The following DLG2 variants were observed in gnomAD, a reference collection of about 807,000 sequenced individuals.
DLG2 encodes the protein disks large homolog 2.
DLG2 carries 45 observed loss-of-function variants against 132.5 expected under a neutral mutation model. The observed-to-expected ratio is 0.34, with a 90% CI of 0.27 to 0.44. The LOEUF (loss-of-function observed/expected upper bound fraction) is 0.44. Among genes scored for constraint, DLG2 ranks in the 20% least tolerant of loss-of-function variants. The pLI, the probability that DLG2 is intolerant of heterozygous loss-of-function variation, is 1.00. For synonymous variants in DLG2, 424 were observed against 419.6 expected, an observed-to-expected ratio of 1.01 and a Z score of -0.13; for missense variants, 1,045 against 1,196.9, an observed-to-expected ratio of 0.87 and a Z score of 1.87.
At chr11:85,470,370 C>T (rs1017944738) in intron 3 of DLG2, among the ~76,000 whole-genome samples, 1 of 152,010 alleles carries the variant, frequency 6.6e-6, no homozygotes, top group Non-Finnish European at 1.5e-5. Flanking sequence ...AAAGGATTTG[C>T]ACAGTTGGGG....
At chr11:83,713,528 A>G (rs2085982760) in intron 18 of DLG2, among the ~76,000 whole-genome samples, 1 of 152,186 alleles carries the variant, frequency 6.6e-6, no homozygotes, top group Admixed American at 6.6e-5. Context: ...ATGACGATGA[A>G]AACCAGATCA....
At chr11:84,428,005 A>G (rs138397236) in intron 7 of DLG2, among the ~76,000 whole-genome samples, 259 of 152,322 alleles carry the variant, frequency 1.7e-3, no homozygotes, top group Non-Finnish European at 2.6e-3. Context: ...TGTGGAAGAG[A>G]AGAAAAGTAT....
At chr11:84,924,239 A>G (rs1261867246) in intron 6 of DLG2, among the ~76,000 whole-genome samples, 2 of 152,176 alleles carry the variant, frequency 1.3e-5, no homozygotes, top group African/African-American at 4.8e-5. Flanking sequence ...CCTTATTTCC[A>G]GCCTTGGGAA....
intron 6 of DLG2, among the ~76,000 whole-genome samples, chr11:85,109,675 A>AT (rs1270928792): frequency 5.3e-5 from 8 of 152,154 alleles, no homozygotes; most frequent in Non-Finnish European, 4.4e-5. Context: ...AGAAATTCTT[A>AT]TTGGTATTAT....
intron 6 of DLG2, among the ~76,000 whole-genome samples, chr11:84,868,514 G>A (rs1223075286): frequency 6.6e-6 from 1 of 152,134 alleles, no homozygotes; most frequent in Non-Finnish European, 1.5e-5. Context: ...ATAACTCCCT[G>A]TAGATTTGGG....
intron 6 of DLG2, among the ~76,000 whole-genome samples, chr11:84,773,121 G>A (rs888078676): frequency 6.6e-6 from 1 of 151,998 alleles, no homozygotes; most frequent in Non-Finnish European, 1.5e-5. Context: ...CCACAGAAAT[G>A]CAAAAGCTCT....
chr11:84,623,857 A>G (rs2099617922), intron 6 of DLG2, among the ~76,000 whole-genome samples: 1 of 152,194 alleles, frequency 6.6e-6, no homozygotes, highest in East Asian at 1.9e-4. Context: ...GTGTTACACA[A>G]TTACCTCAGT....
intron 4 of DLG2, among the ~76,000 whole-genome samples, chr11:85,224,655 ATTTATAT>A (rs1158552391): frequency 6.6e-6 from 1 of 152,182 alleles, no homozygotes; most frequent in Non-Finnish European, 1.5e-5. Flanking sequence ...GTTATGAATG[ATTTATAT>A]TTTCATCTTC....
intron 6 of DLG2, among the ~76,000 whole-genome samples, chr11:84,885,120 T>G (rs1392166327): frequency 6.6e-6 from 1 of 152,072 alleles, no homozygotes; most frequent in Non-Finnish European, 1.5e-5. Context: ...CACAAGAAGG[T>G]TGAGGACTAC....
intron 9 of DLG2, among the ~76,000 whole-genome samples, chr11:84,117,129 C>T (rs2093671571): frequency 6.6e-6 from 1 of 152,184 alleles, no homozygotes; most frequent in Non-Finnish European, 1.5e-5. Flanking sequence ...CTTGATCTCA[C>T]GCACCCTAAT....
At chr11:83,992,625 T>C (rs995395810) in intron 11 of DLG2, among the ~76,000 whole-genome samples, 2 of 152,096 alleles carry the variant, frequency 1.3e-5, no homozygotes, top group Non-Finnish European at 2.9e-5. Context: ...AAAAGAACCA[T>C]GACTGTAGAA....
At chr11:84,592,126 G>T (rs1185998260) in intron 6 of DLG2, among the ~76,000 whole-genome samples, 2 of 152,194 alleles carry the variant, frequency 1.3e-5, no homozygotes, top group South Asian at 2.1e-4. Flanking sequence ...AAAGTGCTGA[G>T]ATTACAGGAG....
chr11:85,010,982 T>G (rs552386023), intron 6 of DLG2, among the ~76,000 whole-genome samples: 77 of 152,312 alleles, frequency 5.1e-4, no homozygotes, highest in Non-Finnish European at 1.8e-4. Context: ...GGGGCACTGC[T>G]GGCATTTCAG....
chr11:83,950,922 C>G (rs190911199), intron 14 of DLG2, among the ~76,000 whole-genome samples: 71 of 152,100 alleles, frequency 4.7e-4, no homozygotes, highest in Non-Finnish European at 7.5e-4. Flanking sequence ...GCCTGCCCCC[C>G]CCTCCACACT....
chr11:84,466,430 C>T (rs2099094581), intron 7 of DLG2, among the ~76,000 whole-genome samples: 1 of 151,212 alleles, frequency 6.6e-6, no homozygotes, highest in Non-Finnish European at 1.5e-5. Context: ...GAAAGAGCCT[C>T]CAGAAGTCTG....
chr11:84,920,097 G>T (rs990000837), intron 6 of DLG2, among the ~76,000 whole-genome samples: 3 of 152,156 alleles, frequency 2.0e-5, no homozygotes, highest in Non-Finnish European at 4.4e-5. Context: ...TCTGTTGAAA[G>T]CTCTCCTTCT....
intron 3 of DLG2, among the ~76,000 whole-genome samples, chr11:85,558,854 G>C (rs528421740): frequency 1.3e-5 from 2 of 151,776 alleles, no homozygotes; most frequent in African/African-American, 4.8e-5. Context: ...CAGTTCCTGG[G>C]TGACGGGATC....
At chr11:84,860,917 G>C (rs1330954803) in intron 6 of DLG2, among the ~76,000 whole-genome samples, 1 of 151,796 alleles carries the variant, frequency 6.6e-6, no homozygotes, top group Non-Finnish European at 1.5e-5. Context: ...AAAAAAATAA[G>C]CTTTGAGTTA....
intron 19 of DLG2, among the ~76,000 whole-genome samples, chr11:83,614,273 A>G (rs550015088): frequency 1.4e-4 from 21 of 152,348 alleles, no homozygotes; most frequent in Non-Finnish European, 2.2e-4. Context: ...AATATGGGAT[A>G]TCAACAGTTG....
Sources: gnomAD v4.1 joint callset for allele counts (sites outside exome capture counted in the v4.1 genomes callset) on GRCh38, gnomAD v4.1.1 for gene constraint, MANE v1.5 for transcripts, NCBI Gene and HGNC (gene_info 2026-07-23, HGNC 2026-07-21) for gene names.